TNKS: variants seen among roughly 807,000 people sequenced by gnomAD.
TNKS encodes the protein tankyrase, also known as poly [ADP-ribose] polymerase tankyrase-1.
In TNKS, 72 loss-of-function variants were observed where a neutral mutation model predicts 135.8. The observed-to-expected ratio is 0.53, with a 90% confidence interval of 0.44 to 0.64. The LOEUF (loss-of-function observed/expected upper bound fraction) is 0.64, where lower values mean the gene tolerates loss of function less well. Among genes scored for constraint, TNKS ranks in the 30% least tolerant of loss-of-function variants. The probability of loss-of-function intolerance (pLI) is 0.00; values close to 1 mark genes in which losing one functional copy is unlikely to be tolerated. For synonymous variants in TNKS, 849 were observed against 649.3 expected, an observed-to-expected ratio of 1.31 and a Z score of -4.68; for missense variants, 1,769 against 1,674.0, an observed-to-expected ratio of 1.06 and a Z score of -0.99.
chr8:9,617,784 T>C (rs921616240), intron 3 of TNKS, among the ~76,000 whole-genome samples: 1 of 152,180 alleles, frequency 6.6e-6, no homozygotes, highest in Admixed American at 6.5e-5. Flanking sequence ...TTATGCCAGA[T>C]GCAATTGTAG....
At chr8:9,720,326 A>T (rs533742005) in intron 11 of TNKS, 48 bp from the exon 12 acceptor site, 244 of 1,490,770 alleles carry the variant, frequency 1.6e-4, no homozygotes, top group Non-Finnish European at 2.0e-4. Flanking sequence ...TATAAAAGGA[A>T]ACTAAACAAG....
At position 9,628,325 on chromosome 8, in the gene TNKS, C is replaced by T. The variant is rs186096951; in HGVS notation, c.994+12648C>T. Among the ~76,000 whole-genome samples the T allele has an allele frequency of 4.3e-4, 65 of 152,232 alleles. 1 individual carries two copies. Among genetic ancestry groups the T allele is most frequent in the Middle Eastern group, 3.4e-3 (1 of 294 alleles). On this transcript the variant is annotated intron_variant, in intron 3 of 26. Coordinates refer to ENST00000310430, the MANE Select transcript of TNKS (RefSeq NM_003747.3). Reference sequence around the variant, plus strand: ...CACCTGGTACTGTTTTCATCCCTAACGACTGTACTAAAATGCCTTTTTGCT... The same window carrying T: ...CACCTGGTACTGTTTTCATCCCTAATGACTGTACTAAAATGCCTTTTTGCT...
rs1243271361 is a variant in TNKS, at chr8:9,580,199, G to A, written c.714G>A (p.Met238Ile). 2 of 1,614,124 alleles carry A rather than the reference G, an allele frequency of 1.2e-6. No individual in the cohort carries two copies. Among genetic ancestry groups the A allele is most frequent in the African/African-American group, 1.3e-5 (1 of 75,038 alleles). ...RKDVVEHLLQMGANVHARDDG... is the reference protein window; with the variant it reads ...RKDVVEHLLQIGANVHARDDG... The stretch of plus-strand genomic sequence containing the variant: ...ATGTTGTAGAACACTTACTACAGAT[G>A]GGTGCTAATGTCCACGCTCGTGATG... The change falls in exon 2 of 27, where the codon ATG becomes ATA. Residue 238 changes from methionine (M) to isoleucine (I), a missense_variant. Met to Ile is a conservative substitution (Grantham distance 10). Around this residue, in one of 5 missense-constraint regions of TNKS, gnomAD observed 523 missense variants for 541.0 expected, o/e 0.97. Transcript: ENST00000310430.
At chr8:9,711,364 C>A (rs986302085) in intron 11 of TNKS, among the ~76,000 whole-genome samples, 1 of 152,158 alleles carries the variant, frequency 6.6e-6, no homozygotes, top group East Asian at 1.9e-4. Flanking sequence ...GGCAAACTCA[C>A]TTGTTTGTTC....
At chr8:9,636,619 G>A (rs1025923542) in intron 3 of TNKS, among the ~76,000 whole-genome samples, 3 of 152,026 alleles carry the variant, frequency 2.0e-5, no homozygotes, top group Non-Finnish European at 4.4e-5. Flanking sequence ...TTTCTATCTT[G>A]TTCTGAAGAA....
chr8:9,576,624 G>A (rs1008267176), intron 1 of TNKS, among the ~76,000 whole-genome samples: 1 of 151,978 alleles, frequency 6.6e-6, no homozygotes, highest in African/African-American at 2.4e-5. Context: ...GACAGCACTA[G>A]GGTGATGGTG....
chr8:9,688,997 C>T (rs188006072), intron 5 of TNKS, among the ~76,000 whole-genome samples: 1 of 152,284 alleles, frequency 6.6e-6, no homozygotes, highest in Admixed American at 6.5e-5. Flanking sequence ...ATGAGGTTCC[C>T]ACCCTTATGA....
intron 5 of TNKS, among the ~76,000 whole-genome samples, chr8:9,703,651 T>C (rs1206034208): frequency 3.3e-5 from 5 of 152,206 alleles, no homozygotes; most frequent in African/African-American, 9.6e-5. Flanking sequence ...GCAATAGTAG[T>C]ACAGTGTTTA....
At position 9,556,027 on chromosome 8, in the gene TNKS, C is replaced by T. The variant is rs1405950136; in HGVS notation, c.88C>T (p.Pro30Ser). 2 of 1,612,326 alleles carry T rather than the reference C, an allele frequency of 1.2e-6. No homozygotes were observed. Among genetic ancestry groups the T allele is most frequent in the Non-Finnish European group, 1.7e-6 (2 of 1,179,668 alleles). ...CCCAGGGGCTTCAGCGCCGCCGCCG[C>T]CACCTCCTCCCCCACTCAGCCCTGG... ...PAPGASAPPP[P>S]PPPPLSPGLA... The change falls in exon 1 of 27, where the codon CCA (proline) becomes TCA (serine). Residue 30 changes from proline to serine, a missense_variant. Physicochemically the swap from Pro to Ser is moderately conservative, Grantham distance 74. Transcript: ENST00000310430.
intron 1 of TNKS, among the ~76,000 whole-genome samples, chr8:9,571,079 G>A (rs765578214): frequency 6.6e-5 from 10 of 152,166 alleles, no homozygotes; most frequent in Non-Finnish European, 1.5e-4. Flanking sequence ...TCCAGTTACT[G>A]TGATTCATTC....
chr8:9,655,856 G>C (rs1311660190), intron 3 of TNKS, among the ~76,000 whole-genome samples: 1 of 152,222 alleles, frequency 6.6e-6, no homozygotes, highest in Non-Finnish European at 1.5e-5. Flanking sequence ...CCAAAGGAAC[G>C]CAGCTCCTCA....
At chr8:9,717,103 T>TATA (rs1554476739) in intron 11 of TNKS, among the ~76,000 whole-genome samples, 11 of 39,320 alleles carry the variant, frequency 2.8e-4, no homozygotes, top group East Asian at 7.3e-4. Flanking sequence ...ATATATATAT[T>TATA]TTCAGGGAAT....
In TNKS at chr8:9,627,540, A is replaced by ATTGCTTGCTTGC. The variant is rs36130596; in HGVS notation, c.994+11903_994+11914dup. On this transcript the variant is annotated intron_variant, in intron 3 of 26. Coordinates refer to ENST00000310430, the MANE Select transcript of TNKS (RefSeq NM_003747.3). ...CCATCCTGCTGTTGCCTGTGGCAAA[A>ATTGCTTGCTTGC]TTGCTTGCTTGCTTGCTTGCTTGCT... Among the ~76,000 whole-genome samples the ATTGCTTGCTTGC allele has an allele frequency of 2.0e-3, 291 of 148,340 alleles. 1 individual carries two copies. Among genetic ancestry groups the ATTGCTTGCTTGC allele is most frequent in the East Asian group, 4.9e-3 (24 of 4,854 alleles).
Position 9,777,117 on chromosome 8 carries a change from A to C in TNKS, c.*381A>C, listed in dbSNP as rs1169110921. 5.5e-6 allele frequency: 1 copy of C among 181,692 alleles called. No homozygotes were observed. Among genetic ancestry groups the C allele is most frequent in the East Asian group, 1.4e-4 (1 of 7,078 alleles). 11.3% of individuals were successfully genotyped at this position (181,692 alleles called of 1,614,324 possible). Reference sequence around the variant, plus strand: ...TGTTATGCATGACGTGTCTATAACAAATATACACATACGACAGGCAACAAG... The same window carrying C: ...TGTTATGCATGACGTGTCTATAACACATATACACATACGACAGGCAACAAG... On this transcript the variant is annotated 3_prime_UTR_variant, in exon 27 of 27. Transcript: ENST00000310430.
In TNKS at chr8:9,658,680, T is replaced by A. The variant is rs1468099228; in HGVS notation, c.995-21271T>A. Among the ~76,000 whole-genome samples, 29 of 152,330 alleles carry A rather than the reference T, an allele frequency of 1.9e-4. No individual in the cohort carries two copies. The East Asian group carries it at 5.4e-3, about 28-fold the overall frequency. ...ACTAGGAAGAAACTGCATCAACTAA[T>A]GAGCAAAATAACTAGCTAACATCAT... On this transcript the variant is annotated intron_variant, in intron 3 of 26. Coordinates refer to ENST00000310430, the MANE Select transcript of TNKS (RefSeq NM_003747.3).
chr8:9,692,548 C>T (rs746084029), intron 5 of TNKS, among the ~76,000 whole-genome samples: 2 of 152,144 alleles, frequency 1.3e-5, no homozygotes, highest in Admixed American at 1.3e-4. Context: ...GCGTTTAGCT[C>T]TAAGAACAGT....
At chr8:9,723,116 A>G (rs955010159) in intron 12 of TNKS, among the ~76,000 whole-genome samples, 1 of 150,858 alleles carries the variant, frequency 6.6e-6, no homozygotes, top group Non-Finnish European at 1.5e-5. Flanking sequence ...GCTAATACAA[A>G]TAAAAAATAT....
At chr8:9,697,484 G>A (rs1803572230) in intron 5 of TNKS, among the ~76,000 whole-genome samples, 1 of 152,028 alleles carries the variant, frequency 6.6e-6, no homozygotes, top group Non-Finnish European at 1.5e-5. Flanking sequence ...CACAGCAAAA[G>A]AAACTACCAG....
Position 9,597,535 on chromosome 8 carries a change from G to T in TNKS, c.898+17152G>T, listed in dbSNP as rs7835002. The stretch of plus-strand genomic sequence containing the variant: ...GCTCTTTTTTCCTCATTGTAATTTA[G>T]ATTCTTTTAACCTAGTGAGTGGAGA... On this transcript the variant is annotated intron_variant, in intron 2 of 26. Coordinates refer to ENST00000310430, the MANE Select transcript of TNKS (RefSeq NM_003747.3). Among the ~76,000 whole-genome samples, 376 of 152,082 alleles carry T rather than the reference G, an allele frequency of 2.5e-3. 2 individuals carry two copies. The highest frequency in any genetic ancestry group is 8.5e-3 in the African/African-American group (353 of 41,484).
Sources: allele counts gnomAD v4.1 joint callset (sites outside exome capture counted in the v4.1 genomes callset), GRCh38; gene constraint gnomAD v4.1.1; regional missense constraint gnomAD v4.1.1; transcripts MANE v1.5; gene names NCBI Gene and HGNC (gene_info 2026-07-23, HGNC 2026-07-21).